RFX2: variants seen among roughly 807,000 people sequenced by gnomAD.
The protein encoded by RFX2 is regulatory factor X2.
RFX2 carries 20 observed loss-of-function variants against 87.8 expected under a neutral mutation model. That is an observed-to-expected ratio of 0.23 (90% CI 0.16 to 0.33). The LOEUF is 0.33. Among genes scored for constraint, RFX2 ranks in the 10% least tolerant of loss-of-function variants. RFX2 has a pLI of 1.00. For synonymous variants in RFX2, 397 were observed against 431.3 expected (o/e 0.92, Z 0.98); for missense variants, 767 against 1,012.3 (o/e 0.76, Z 3.29).
intron 1 of RFX2, among the ~76,000 whole-genome samples, chr19:6,065,545 G>A (rs2087497295): frequency 6.6e-6 from 1 of 152,168 alleles, no homozygotes; most frequent in Non-Finnish European, 1.5e-5. Flanking sequence ...TACTCGGGAG[G>A]CTGAGGCGGA....
chr19:6,082,422 A>G (rs999382168), intron 1 of RFX2, among the ~76,000 whole-genome samples: 1 of 151,910 alleles, frequency 6.6e-6, no homozygotes, highest in Non-Finnish European at 1.5e-5. Flanking sequence ...GATGTCTATC[A>G]GGGGTTGGAA....
In RFX2 at chr19:6,011,199, T is replaced by C. The variant is rs1478033580; in HGVS notation, c.900-948A>G. On this transcript the variant is annotated intron_variant, in intron 8 of 17. Coordinates refer to ENST00000303657, the MANE Select transcript of RFX2 (RefSeq NM_000635.4). The surrounding 1 kb of genome is among the most constrained non-coding windows in gnomAD (Gnocchi z 4.8). ...TTCTTTGCGTGAATCACAAACATCT[T>C]ATTATTGGTGCAATCTTAGAAGTTC... is the stretch of plus-strand genomic sequence containing the variant. Among the ~76,000 whole-genome samples the C allele has an allele frequency of 2.0e-5, 3 of 152,158 alleles. No homozygotes were observed. The highest frequency in any genetic ancestry group is 2.9e-5 in the Non-Finnish European group (2 of 68,016).
rs943643403 is a variant in RFX2 at position 5,999,171 on chromosome 19, G to C, written c.1860-1958C>G. On this transcript the variant is annotated intron_variant, in intron 15 of 17. Coordinates refer to ENST00000303657, the MANE Select transcript of RFX2 (RefSeq NM_000635.4). The surrounding 1 kb of genome is among the most constrained non-coding windows in gnomAD (Gnocchi z 4.1). Reference sequence around the variant, plus strand: ...TTCAGGAGGCTGAGGCACGAGAAGTGCTTGAACCCGGGAAGGGGAGGTTGC... The same window carrying C: ...TTCAGGAGGCTGAGGCACGAGAAGTCCTTGAACCCGGGAAGGGGAGGTTGC... Among the ~76,000 whole-genome samples, 3 of 152,198 alleles carry C rather than the reference G, an allele frequency of 2.0e-5. No individual in the cohort carries two copies. The highest frequency in any genetic ancestry group is 4.4e-5 in the Non-Finnish European group (3 of 68,040).
At chr19:6,036,519 A>C (rs552218244) in intron 5 of RFX2, among the ~76,000 whole-genome samples, 1 of 152,250 alleles carries the variant, frequency 6.6e-6, no homozygotes, top group Non-Finnish European at 1.5e-5. Context: ...CACAGAGACA[A>C]GGCTAAACCA....
chr19:6,061,736 C>T lies in RFX2; in HGVS notation c.-8-14232G>A, dbSNP rs1478065928. 6.6e-6 allele frequency among the ~76,000 whole-genome samples: 1 copy of T among 152,196 alleles called. No homozygotes were observed. Among genetic ancestry groups the T allele is most frequent in the Non-Finnish European group, 1.5e-5 (1 of 68,040 alleles). On this transcript the variant is annotated intron_variant, in intron 1 of 17. Coordinates refer to ENST00000303657, the MANE Select transcript of RFX2 (RefSeq NM_000635.4). This position sits in a 1 kb window ranked among gnomAD's most constrained non-coding sequence, Gnocchi z 5.2. ...ACCACCCGGAGCAGAGGGAGGAGGC[C>T]AGGCTTCAGGTTCAAGTCCCAGGCT...
chr19:6,044,550 C>T lies in RFX2; in HGVS notation c.91-268G>A, dbSNP rs562727498. Among the ~76,000 whole-genome samples the T allele has an allele frequency of 2.5e-4, 38 of 152,324 alleles. No individual in the cohort carries two copies. The highest frequency in any genetic ancestry group is 8.4e-4 in the African/African-American group (35 of 41,580). ...TCAGCCCATGCACCACACATATGCA[C>T]GAATTGTGGGCACACACACACGTAT... is the stretch of plus-strand genomic sequence containing the variant. On this transcript the variant is annotated intron_variant, in intron 2 of 17. Coordinates refer to ENST00000303657, the MANE Select transcript of RFX2 (RefSeq NM_000635.4). This position sits in a 1 kb window ranked among gnomAD's most constrained non-coding sequence, Gnocchi z 5.3.
In RFX2 at chr19:6,021,424, C is replaced by T. The variant is rs987775684; in HGVS notation, c.597+4739G>A. Among the ~76,000 whole-genome samples the T allele has an allele frequency of 2.6e-5, 4 of 152,172 alleles. No homozygotes were observed. Among genetic ancestry groups the T allele is most frequent in the Admixed American group, 6.5e-5 (1 of 15,282 alleles). Reference sequence around the variant, plus strand: ...CCGAATGAGGGCTGATGCCGAGTGCCGTCAGAGAAATTCACCTGGGAAAGG... The same window carrying T: ...CCGAATGAGGGCTGATGCCGAGTGCTGTCAGAGAAATTCACCTGGGAAAGG... On this transcript the variant is annotated intron_variant, in intron 6 of 17. Transcript: ENST00000303657. The surrounding 1 kb of genome is among the most constrained non-coding windows in gnomAD (Gnocchi z 5.7).
intron 7 of RFX2, among the ~76,000 whole-genome samples, chr19:6,015,439 C>A (rs1341228980): frequency 4.0e-5 from 6 of 150,850 alleles, no homozygotes; most frequent in Admixed American, 4.0e-4. Flanking sequence ...AAAAACAAAA[C>A]ACTGAGAAAT....
chr19:6,090,091 A>G (rs2144880328), intron 1 of RFX2, among the ~76,000 whole-genome samples: 1 of 152,174 alleles, frequency 6.6e-6, no homozygotes, highest in Non-Finnish European at 1.5e-5. Flanking sequence ...CCTCTGGAGT[A>G]GTTGAGACCA....
chr19:6,007,888 G>A lies in RFX2; in HGVS notation c.1135-86C>T, dbSNP rs750694421. The stretch of plus-strand genomic sequence containing the variant: ...CACGTCAAGTGAGCAGCCGTGATCC[G>A]GGCTACAGCGGGGTGCCCTGGAATC... On this transcript the variant is annotated intron_variant, in intron 10 of 17. Transcript: ENST00000303657. The surrounding 1 kb of genome is among the most constrained non-coding windows in gnomAD (Gnocchi z 8.2). The A allele has an allele frequency of 8.0e-6, 8 of 1,002,850 alleles. No individual in the cohort carries two copies. The highest frequency in any genetic ancestry group is 6.4e-5 in the African/African-American group (4 of 62,590). 62.1% of individuals were successfully genotyped at this position (1,002,850 alleles called of 1,614,324 possible). A position where few individuals can be genotyped will look rare whatever the true frequency, so the allele number is the denominator to read the frequency against.
In RFX2 at chr19:6,002,918, T is replaced by A; in HGVS notation, c.1501-48A>T. 1.3e-6 allele frequency: 2 copies of A among 1,562,802 alleles called. No homozygotes were observed. Among genetic ancestry groups the A allele is most frequent in the East Asian group, 2.3e-5 (1 of 43,528 alleles). On this transcript the variant is annotated intron_variant, in intron 13 of 17. Transcript: ENST00000303657. This position sits in a 1 kb window ranked among gnomAD's most constrained non-coding sequence, Gnocchi z 6.7. ...AGCAGGGGTTCGCAGGGAGAGCCTG[T>A]TCCGCTGCGCTCCTTGCAGGGGTGT...
Position 6,039,273 on chromosome 19 carries a change from AG to A in RFX2, c.522+706del, listed in dbSNP as rs1468833258. 6.6e-6 allele frequency among the ~76,000 whole-genome samples: 1 copy of A among 152,224 alleles called. No individual in the cohort carries two copies. Among genetic ancestry groups the A allele is most frequent in the African/African-American group, 2.4e-5 (1 of 41,462 alleles). ...CTAGTAAAGATGAAACTACAGCAAT[AG>A]GGAACAGATCAGCAGTTGCCAAGGG... On this transcript the variant is annotated intron_variant, in intron 5 of 17. Transcript: ENST00000303657. The surrounding 1 kb of genome is among the most constrained non-coding windows in gnomAD (Gnocchi z 5.2).
In RFX2 at chr19:6,013,296, C is replaced by T. The variant is rs576288969; in HGVS notation, c.780-191G>A. On this transcript the variant is annotated intron_variant, in intron 7 of 17. Coordinates refer to ENST00000303657, the MANE Select transcript of RFX2 (RefSeq NM_000635.4). This position sits in a 1 kb window ranked among gnomAD's most constrained non-coding sequence, Gnocchi z 4.1. ...CGCCTCCCGGGTTTAAGAGATTCTCCTGCCTCAGCCTCCCAAGTAGCTGGG... is the reference window on the plus strand; with the variant it reads ...CGCCTCCCGGGTTTAAGAGATTCTCTTGCCTCAGCCTCCCAAGTAGCTGGG... 1.6e-4 allele frequency among the ~76,000 whole-genome samples: 24 copies of T among 152,144 alleles called. No homozygotes were observed. Among genetic ancestry groups the T allele is most frequent in the Admixed American group, 3.9e-4 (6 of 15,294 alleles).
chr19:6,038,328 G>GAAAAAAAAAAAAAAAAAA, intron 5 of RFX2, among the ~76,000 whole-genome samples: 1 of 61,098 alleles, frequency 1.6e-5, no homozygotes, highest in Non-Finnish European at 2.8e-5. Flanking sequence ...CTCCGTCTCA[G>GAAAAAAAAAAAAAAAAAA]AAAAAAAAAA....
chr19:6,018,747 C>T (rs2086764880), intron 6 of RFX2, among the ~76,000 whole-genome samples: 1 of 152,202 alleles, frequency 6.6e-6, no homozygotes, highest in Admixed American at 6.5e-5. Flanking sequence ...GCGTAAGCCT[C>T]GAAGTGTGGG....
chr19:6,095,793 G>A (rs563756432), intron 1 of RFX2, among the ~76,000 whole-genome samples: 9 of 152,294 alleles, frequency 5.9e-5, no homozygotes, highest in African/African-American at 1.9e-4. Flanking sequence ...TGGCCCAGCC[G>A]CTAGCCTGTT....
At position 6,002,849 on chromosome 19, in the gene RFX2, C is replaced by T. The variant is rs375210324; in HGVS notation, c.1522G>A (p.Ala508Thr). ...QTKVGVVSAF[A>T]QTLRRYTSLN... ...GACGTGTAGCGCCGCAGCGTCTGGG[C>T]GAAGGCACTGACGACGCCCACCTGT... is the stretch of plus-strand genomic sequence containing the variant. The change falls in exon 14 of 18, where the codon GCC (alanine) becomes ACC (threonine). Residue 508 changes from alanine (A) to threonine (T), a missense_variant. By Grantham distance (58) the Ala-to-Thr change is moderately conservative. Transcript: ENST00000303657. This position sits in a 1 kb window ranked among gnomAD's most constrained non-coding sequence, Gnocchi z 6.7. 11 of 1,610,440 alleles carry T rather than the reference C, an allele frequency of 6.8e-6. No homozygotes were observed. The highest frequency in any genetic ancestry group is 2.2e-5 in the East Asian group (1 of 44,820).
chr19:5,995,607 C>T lies in RFX2; in HGVS notation c.2050G>A (p.Asp684Asn), dbSNP rs575841631. ...AAGCCGCAGACGCACCTACCTTTGTCGAGCAGCGTCAGCGACAGAGAGGCG... is the reference window on the plus strand; with the variant it reads ...AAGCCGCAGACGCACCTACCTTTGTTGAGCAGCGTCAGCGACAGAGAGGCG... ...DLASLSLTLL[D>N]KDDMGDEQRG... The change falls in exon 17 of 18, where the codon GAC becomes AAC. Residue 684 changes from aspartate to asparagine, a missense_variant. Transcript: ENST00000303657. 3.9e-6 allele frequency: 6 copies of T among 1,552,312 alleles called. No homozygotes were observed. Among genetic ancestry groups the T allele is most frequent in the Admixed American group, 2.0e-5 (1 of 51,096 alleles).
rs532119176 is a variant in RFX2, at chr19:6,016,474, T to C, written c.598-203A>G. Among the ~76,000 whole-genome samples, 1 of 152,320 alleles carries C rather than the reference T, an allele frequency of 6.6e-6. No homozygotes were observed. The highest frequency in any genetic ancestry group is 2.4e-5 in the African/African-American group (1 of 41,564). On this transcript the variant is annotated intron_variant, in intron 6 of 17. Transcript: ENST00000303657. The surrounding 1 kb of genome is among the most constrained non-coding windows in gnomAD (Gnocchi z 5.4). Reference sequence around the variant, plus strand: ...GGCGCAATCTCGGCTCACTGCAGCCTCTGTCTCCTGGGTTCAAGCAATTTT... The same window carrying C: ...GGCGCAATCTCGGCTCACTGCAGCCCCTGTCTCCTGGGTTCAAGCAATTTT...
Sources: allele counts gnomAD v4.1 joint callset (sites outside exome capture counted in the v4.1 genomes callset), GRCh38; gene constraint gnomAD v4.1.1; non-coding constraint Gnocchi (gnomAD v3.1); transcripts MANE v1.5; gene names NCBI Gene and HGNC (gene_info 2026-07-23, HGNC 2026-07-21).